Variants in ADGRL2 observed in about 807,000 individuals in gnomAD.
ADGRL2 encodes the protein adhesion G protein-coupled receptor L2, also known as calcium-independent alpha-latrotoxin receptor 2.
A neutral mutation model predicts 157.4 loss-of-function variants in ADGRL2; 44 were observed. The ratio of observed to expected loss-of-function variants is 0.28; its 90% confidence interval spans 0.22 to 0.36. The LOEUF (loss-of-function observed/expected upper bound fraction) is 0.36, where lower values mean the gene tolerates loss of function less well. ADGRL2 is among the 10% of genes least tolerant of loss of function. The pLI is 1.00. For missense variants in ADGRL2, 1,510 were observed against 1,768.9 expected (o/e 0.85, Z 2.63); for synonymous variants, 585 against 624.7 (o/e 0.94, Z 0.95).
intron 2 of ADGRL2, among the ~76,000 whole-genome samples, chr1:81,548,396 C>T (rs1376198244): frequency 6.6e-6 from 1 of 151,574 alleles, no homozygotes; most frequent in Admixed American, 6.6e-5. Context: ...GGAAATCAGG[C>T]TAAGGTAATT....
intron 2 of ADGRL2, among the ~76,000 whole-genome samples, chr1:81,877,813 T>C (rs1272654140): frequency 6.6e-6 from 1 of 152,076 alleles, no homozygotes. Flanking sequence ...ACCTTACCTT[T>C]AGAAGTTATT....
At chr1:81,410,972 A>G (rs2076935838) in intron 1 of ADGRL2, among the ~76,000 whole-genome samples, 1 of 152,246 alleles carries the variant, frequency 6.6e-6, no homozygotes, top group South Asian at 2.1e-4. Flanking sequence ...ACAGCATATT[A>G]TCTTCCTGTA....
chr1:81,555,545 A>C (rs2080254409), intron 2 of ADGRL2, among the ~76,000 whole-genome samples: 1 of 152,172 alleles, frequency 6.6e-6, no homozygotes, highest in Admixed American at 6.5e-5. Context: ...CTGGGATTAC[A>C]GGCATGAACC....
At chr1:81,916,663 A>C (rs562006511) in intron 3 of ADGRL2, among the ~76,000 whole-genome samples, 34 of 152,194 alleles carry the variant, frequency 2.2e-4, no homozygotes, top group Non-Finnish European at 4.6e-4. Context: ...AAAATAATAC[A>C]TGTGTTTATT....
chr1:81,755,567 A>G (rs966384538), intron 1 of ADGRL2, among the ~76,000 whole-genome samples: 1 of 152,102 alleles, frequency 6.6e-6, no homozygotes, highest in African/African-American at 2.4e-5. Context: ...AGTCACTGAG[A>G]CCACAATTAT....
At chr1:81,683,740 G>T (rs181395419) in intron 3 of ADGRL2, among the ~76,000 whole-genome samples, 140 of 152,090 alleles carry the variant, frequency 9.2e-4, no homozygotes, top group Non-Finnish European at 1.7e-3. Flanking sequence ...TGGGCATTGG[G>T]GTTGGTTCCA....
intron 2 of ADGRL2, among the ~76,000 whole-genome samples, chr1:81,565,251 G>C (rs1438319843): frequency 6.6e-6 from 1 of 152,130 alleles, no homozygotes; most frequent in East Asian, 1.9e-4. Flanking sequence ...TATGTGACAG[G>C]ATTTTGTTAA....
intron 1 of ADGRL2, among the ~76,000 whole-genome samples, chr1:81,825,343 C>T (rs2091372542): frequency 6.6e-6 from 1 of 152,056 alleles, no homozygotes; most frequent in African/African-American, 2.4e-5. Context: ...AGCTGAGCAG[C>T]AGAGCAAGAC....
At chr1:81,446,492 T>A (rs1326202560) in intron 2 of ADGRL2, among the ~76,000 whole-genome samples, 1 of 152,196 alleles carries the variant, frequency 6.6e-6, no homozygotes, top group Non-Finnish European at 1.5e-5. Flanking sequence ...GCCACTCACG[T>A]TCATCCTTCT....
intron 2 of ADGRL2, among the ~76,000 whole-genome samples, chr1:81,899,453 G>A (rs2094450284): frequency 6.6e-6 from 1 of 152,142 alleles, no homozygotes; most frequent in Non-Finnish European, 1.5e-5. Context: ...CCGATCAGTA[G>A]CCTAAAGCAG....
At chr1:81,708,940 A>C (rs553128120) in intron 1 of ADGRL2, among the ~76,000 whole-genome samples, 2 of 152,214 alleles carry the variant, frequency 1.3e-5, no homozygotes, top group East Asian at 3.9e-4. Flanking sequence ...TTATTTTCCA[A>C]GGAGACAGGA....
chr1:81,659,906 ATGT>A (rs929354632), intron 3 of ADGRL2, among the ~76,000 whole-genome samples: 12 of 152,230 alleles, frequency 7.9e-5, no homozygotes, highest in African/African-American at 2.4e-4. Flanking sequence ...AGATAATGAA[ATGT>A]TGTTTGTGTG....
chr1:81,445,563 G>C (rs1464316529), intron 2 of ADGRL2, among the ~76,000 whole-genome samples: 7 of 152,206 alleles, frequency 4.6e-5, no homozygotes, highest in African/African-American at 1.7e-4. Context: ...AAGGGACTTA[G>C]AGAGGACGGC....
rs755906651 is a variant in ADGRL2, at chr1:81,943,361, A to G, written c.802A>G (p.Ile268Val). The G allele has an allele frequency of 5.6e-6, 9 of 1,613,620 alleles. No homozygotes were observed. The highest frequency in any genetic ancestry group is 3.3e-5 in the South Asian group (3 of 91,084). Residue 268 changes from isoleucine to valine, a missense_variant, in exon 6 of 24, where the codon ATC becomes GTC. By Grantham distance (29) the Ile-to-Val change is conservative (BLOSUM62 3). Around this residue, in one of 4 missense-constraint regions of ADGRL2, gnomAD observed 361 missense variants for 498.4 expected, o/e 0.72. Transcript: ENST00000686636. This position sits in a 1 kb window ranked among gnomAD's most constrained non-coding sequence, Gnocchi z 5.6. ...ATACAGATGGGGAGGAAAGACTGAT[A>G]TCGACCTAGCAGTTGATGAAAATGG... ...SPYRWGGKTDIDLAVDENGLW... is the reference protein window; with the variant it reads ...SPYRWGGKTDVDLAVDENGLW...
chr1:81,441,416 A>G (rs2077504977), intron 1 of ADGRL2, among the ~76,000 whole-genome samples: 1 of 152,180 alleles, frequency 6.6e-6, no homozygotes, highest in African/African-American at 2.4e-5. Flanking sequence ...CCTAATGTCT[A>G]ATATCCCCAT....
chr1:81,425,406 C>CA (rs1293045981), intron 1 of ADGRL2, among the ~76,000 whole-genome samples: 1 of 112,244 alleles, frequency 8.9e-6, no homozygotes, highest in Non-Finnish European at 2.1e-5. Context: ...ATATTAGAAC[C>CA]AATTAAAAAA....
intron 2 of ADGRL2, among the ~76,000 whole-genome samples, chr1:81,841,259 G>C (rs2092566536): frequency 6.6e-6 from 1 of 152,028 alleles, no homozygotes; most frequent in Non-Finnish European, 1.5e-5. Context: ...ACAGCTTTAT[G>C]TATTTATTTT....
chr1:81,459,857 G>A (rs2101796248), intron 2 of ADGRL2, among the ~76,000 whole-genome samples: 2 of 149,874 alleles, frequency 1.3e-5, no homozygotes, highest in Non-Finnish European at 3.0e-5. Flanking sequence ...CACACACTAA[G>A]TAGCAGGATT....
intron 1 of ADGRL2, among the ~76,000 whole-genome samples, chr1:81,750,546 A>T (rs1242577606): frequency 2.0e-5 from 3 of 152,062 alleles, no homozygotes; most frequent in Non-Finnish European, 4.4e-5. Context: ...GTGAAACCCC[A>T]TCTCTACTAA....
Sources: gnomAD v4.1 joint callset for allele counts (sites outside exome capture counted in the v4.1 genomes callset) on GRCh38, gnomAD v4.1.1 for gene constraint, gnomAD v4.1.1 regional missense constraint, Gnocchi (gnomAD v3.1) non-coding constraint, MANE v1.5 for transcripts, NCBI Gene and HGNC (gene_info 2026-07-23, HGNC 2026-07-21) for gene names.